The following DTD1 variants were observed in gnomAD, a reference collection of about 807,000 sequenced individuals.
DTD1 encodes the protein D-tyrosyl-tRNA deacylase 1 homolog.
In DTD1, 13 loss-of-function variants were observed where a neutral mutation model predicts 25.6. That is an observed-to-expected ratio of 0.51 (90% confidence interval 0.33 to 0.81). The LOEUF is 0.81. Among genes scored for constraint, DTD1 ranks in the 30% least tolerant of loss-of-function variants. The pLI is 0.02. For synonymous variants in DTD1, 110 were observed against 103.6 expected (o/e 1.06, Z -0.37); for missense variants, 193 against 266.4 (o/e 0.72, Z 1.92).
chr20:18,730,898 C>G (rs1296875378), intron 4 of DTD1, among the ~76,000 whole-genome samples: 1 of 152,216 alleles, frequency 6.6e-6, no homozygotes, highest in African/African-American at 2.4e-5. Context: ...CTTTTACTCT[C>G]AGACTCTGTG....
intron 5 of DTD1, among the ~76,000 whole-genome samples, chr20:18,747,715 G>C (rs1568688874): frequency 6.6e-6 from 1 of 152,022 alleles, no homozygotes; most frequent in Non-Finnish European, 1.5e-5. Flanking sequence ...CTTAACAACA[G>C]GTTCAAAACA....
intron 4 of DTD1, among the ~76,000 whole-genome samples, chr20:18,651,796 G>A (rs1361276356): frequency 6.6e-6 from 1 of 152,178 alleles, no homozygotes; most frequent in Non-Finnish European, 1.5e-5. Context: ...CATCCTTTGG[G>A]ATGCCAAAAG....
At chr20:18,756,410 C>T (rs1243125915) in intron 5 of DTD1, among the ~76,000 whole-genome samples, 1 of 152,184 alleles carries the variant, frequency 6.6e-6, no homozygotes, top group Non-Finnish European at 1.5e-5. Flanking sequence ...TTATGGCTAA[C>T]ATTTAAGTCT....
chr20:18,704,482 A>G (rs2061118166), intron 4 of DTD1, among the ~76,000 whole-genome samples: 1 of 152,160 alleles, frequency 6.6e-6, no homozygotes, highest in Non-Finnish European at 1.5e-5. Context: ...TGCCTAACCA[A>G]GGGCAAATAT....
intron 4 of DTD1, 60 bp downstream of exon 4, chr20:18,628,293 C>G (rs3818221): frequency 0.19 from 252,342 of 1,328,264 alleles, 25,818 homozygotes; most frequent in East Asian, 0.31. Context: ...TCCCTTTAGT[C>G]CCTGGAAGAG....
At chr20:18,612,683 G>C (rs1312702280) in intron 3 of DTD1, among the ~76,000 whole-genome samples, 2 of 151,756 alleles carry the variant, frequency 1.3e-5, no homozygotes, top group Non-Finnish European at 2.9e-5. Flanking sequence ...TTTTGCGACA[G>C]AGTCTCACTC....
intron 4 of DTD1, among the ~76,000 whole-genome samples, chr20:18,742,664 T>C (rs2061283088): frequency 6.6e-6 from 1 of 152,002 alleles, no homozygotes; most frequent in Non-Finnish European, 1.5e-5. Flanking sequence ...CACAGAAAAA[T>C]TGTCTTCTAT....
At chr20:18,755,369 T>C (rs968290684) in intron 5 of DTD1, among the ~76,000 whole-genome samples, 3 of 152,212 alleles carry the variant, frequency 2.0e-5, no homozygotes, top group Non-Finnish European at 2.9e-5. Flanking sequence ...TGCTGCACCG[T>C]TAACTCGTCA....
At chr20:18,762,928 T>C (rs2061368510) in intron 5 of DTD1, among the ~76,000 whole-genome samples, 1 of 152,186 alleles carries the variant, frequency 6.6e-6, no homozygotes, top group Non-Finnish European at 1.5e-5. Flanking sequence ...AGATTATTGA[T>C]TTGATAACCT....
intron 4 of DTD1, among the ~76,000 whole-genome samples, chr20:18,644,355 A>C (rs1461236015): frequency 6.6e-6 from 1 of 152,224 alleles, no homozygotes; most frequent in Non-Finnish European, 1.5e-5. Context: ...GGAGTTTTAC[A>C]GGGACTTGTT....
intron 4 of DTD1, among the ~76,000 whole-genome samples, chr20:18,725,711 G>T (rs1003907367): frequency 3.3e-5 from 5 of 152,174 alleles, no homozygotes; most frequent in Admixed American, 2.6e-4. Flanking sequence ...GTCACCCTCT[G>T]CTTACAGAGG....
At chr20:18,689,089 T>C (rs967529271) in intron 4 of DTD1, among the ~76,000 whole-genome samples, 1 of 152,218 alleles carries the variant, frequency 6.6e-6, no homozygotes, top group African/African-American at 2.4e-5. Context: ...TGGACCGTAA[T>C]AGAGAGCTGA....
At chr20:18,677,510 C>T (rs2060981086) in intron 4 of DTD1, among the ~76,000 whole-genome samples, 1 of 152,130 alleles carries the variant, frequency 6.6e-6, no homozygotes, top group Admixed American at 6.5e-5. Context: ...TAATGCCCAT[C>T]CTGTGCTGAG....
At chr20:18,627,036 G>A (rs1290826684) in intron 3 of DTD1, among the ~76,000 whole-genome samples, 25 of 152,114 alleles carry the variant, frequency 1.6e-4, no homozygotes, top group Admixed American at 1.5e-3. Context: ...TGATTTGAAC[G>A]GCCACTTTAA....
intron 3 of DTD1, among the ~76,000 whole-genome samples, chr20:18,603,171 CAAAG>C (rs1365996965): frequency 3.0e-5 from 3 of 99,398 alleles, no homozygotes; most frequent in South Asian, 6.4e-4. Flanking sequence ...TCAAAAGAGA[CAAAG>C]AAGGCCATTA....
chr20:18,760,017 T>C (rs1017474407), intron 5 of DTD1, among the ~76,000 whole-genome samples: 3 of 152,246 alleles, frequency 2.0e-5, no homozygotes, highest in African/African-American at 7.2e-5. Flanking sequence ...TTTCTTCCAG[T>C]TGATCGAATT....
intron 3 of DTD1, among the ~76,000 whole-genome samples, chr20:18,601,120 G>T (rs960280923): frequency 1.4e-4 from 21 of 152,112 alleles, no homozygotes; most frequent in African/African-American, 5.1e-4. Flanking sequence ...GCTTATTTCT[G>T]CTCTTAGTGG....
At chr20:18,702,098 T>C (rs1331903506) in intron 4 of DTD1, among the ~76,000 whole-genome samples, 2 of 152,242 alleles carry the variant, frequency 1.3e-5, no homozygotes, top group Non-Finnish European at 2.9e-5. Context: ...ACTTCCATTT[T>C]AGACAAAGCG....
chr20:18,623,874 C>CTGTGTGTGTGTGTGTGTGTG (rs55984974), intron 3 of DTD1, among the ~76,000 whole-genome samples: 7,256 of 143,532 alleles, frequency 0.051, 291 homozygotes, highest in Middle Eastern at 0.074. Context: ...ACAAGAAGAA[C>CTGTGTGTGTGTGTGTGTGTG]TGTGTGTGTG....
Sources: gnomAD v4.1 joint callset for allele counts (sites outside exome capture counted in the v4.1 genomes callset) on GRCh38, gnomAD v4.1.1 for gene constraint, MANE v1.5 for transcripts, NCBI Gene and HGNC (gene_info 2026-07-23, HGNC 2026-07-21) for gene names.